The following NF1 variants were observed in gnomAD, a reference collection of about 807,000 sequenced individuals.
NF1 encodes neurofibromin.
NF1 carries 122 observed loss-of-function variants against 325.7 expected under a neutral mutation model. The observed-to-expected ratio is 0.37, with a 90% CI of 0.32 to 0.44. The LOEUF is 0.44. NF1 is among the 20% of genes least tolerant of loss of function. The probability of loss-of-function intolerance (pLI) is 1.00; values close to 1 mark genes in which losing one functional copy is unlikely to be tolerated. For synonymous variants in NF1, 1,091 were observed against 1,186.0 expected (o/e 0.92, Z 1.65); for missense variants, 2,140 against 3,415.4 (o/e 0.63, Z 9.31).
At chr17:31,199,055 A>G (rs1442343449) in intron 8 of NF1, among the ~76,000 whole-genome samples, 1 of 151,696 alleles carries the variant, frequency 6.6e-6, no homozygotes, top group Non-Finnish European at 1.5e-5. Context: ...CTGGTTTTGT[A>G]ATTTTTCTCC....
intron 36 of NF1, among the ~76,000 whole-genome samples, chr17:31,291,180 C>T (rs998229447): frequency 3.3e-5 from 5 of 152,184 alleles, no homozygotes; most frequent in African/African-American, 7.2e-5. Context: ...ATAATTGCAA[C>T]GTAATAGTAT....
At chr17:31,110,259 A>T (rs1029549140) in intron 1 of NF1, among the ~76,000 whole-genome samples, 6 of 152,222 alleles carry the variant, frequency 3.9e-5, no homozygotes, top group Non-Finnish European at 1.5e-5. Flanking sequence ...TACTAAAAAA[A>T]ATATTGGAGA....
chr17:31,340,437 G>T (rs2151561141), intron 46 of NF1, 68 bp from the exon 47 acceptor site: 1 of 1,594,296 alleles, frequency 6.3e-7, no homozygotes, highest in Non-Finnish European at 8.6e-7. Flanking sequence ...ATTTTTAACT[G>T]CAGTGTGTTT....
intron 8 of NF1, among the ~76,000 whole-genome samples, chr17:31,188,481 A>G (rs527831179): frequency 6.6e-6 from 1 of 152,332 alleles, no homozygotes; most frequent in African/African-American, 2.4e-5. Flanking sequence ...TAATTGTATT[A>G]TGTTAGGCAT....
At chr17:31,222,604 T>C (rs2066944676) in intron 15 of NF1, 2 of 900,008 alleles carry the variant, frequency 2.2e-6, no homozygotes, top group African/African-American at 3.6e-5. Flanking sequence ...TTAAAAACTT[T>C]TTTACTTACT....
At chr17:31,363,749 T>G (rs28667674) in intron 57 of NF1, among the ~76,000 whole-genome samples, 1 of 140,692 alleles carries the variant, frequency 7.1e-6, no homozygotes, top group African/African-American at 2.7e-5. Flanking sequence ...TTTTTTTTTT[T>G]CCCCCTTTGG....
intron 8 of NF1, among the ~76,000 whole-genome samples, chr17:31,188,388 T>C (rs1001907981): frequency 4.6e-5 from 7 of 152,240 alleles, no homozygotes; most frequent in Non-Finnish European, 7.3e-5. Context: ...ACTTAAGATT[T>C]ATTGACTTCA....
chr17:31,347,531 A>C (rs1313988197), intron 48 of NF1, among the ~76,000 whole-genome samples: 4 of 151,508 alleles, frequency 2.6e-5, no homozygotes, highest in African/African-American at 9.7e-5. Flanking sequence ...CTTGGTGGCC[A>C]CCTTGAATAA....
intron 36 of NF1, chr17:31,304,253 G>C (rs1266297386): frequency 6.4e-7 from 1 of 1,571,764 alleles, no homozygotes; most frequent in Admixed American, 1.9e-5. Flanking sequence ...TAAAAAGCAA[G>C]TTGTAATATT....
intron 8 of NF1, among the ~76,000 whole-genome samples, chr17:31,193,942 AT>A (rs1310135753): frequency 6.6e-6 from 1 of 152,204 alleles, no homozygotes; most frequent in Non-Finnish European, 1.5e-5. Context: ...GCTAGTGGGA[AT>A]GTAAACTAGT....
intron 50 of NF1, among the ~76,000 whole-genome samples, chr17:31,351,857 G>T (rs866757491): frequency 1.9e-4 from 29 of 151,192 alleles, no homozygotes; most frequent in South Asian, 8.3e-4. Context: ...GTGATTTTTT[G>T]GGGTTTTTTT....
intron 29 of NF1, among the ~76,000 whole-genome samples, chr17:31,243,030 A>G (rs957027530): frequency 6.6e-6 from 1 of 152,202 alleles, no homozygotes; most frequent in Non-Finnish European, 1.5e-5. Context: ...TCCAAGCCCA[A>G]TAACGCTGTG....
intron 36 of NF1, chr17:31,314,288 G>A (rs1484498538): frequency 3.4e-6 from 1 of 293,172 alleles, no homozygotes; most frequent in Non-Finnish European, 6.2e-6. Context: ...ATATGATTAT[G>A]TAAATTAAAT....
chr17:31,296,443 C>G, intron 36 of NF1: 1 of 1,028,802 alleles, frequency 9.7e-7, no homozygotes, highest in Non-Finnish European at 1.5e-6. Context: ...TCGTTGTTGT[C>G]GAGTCCTTTT....
At chr17:31,281,307 A>C (rs1033439409) in intron 36 of NF1, among the ~76,000 whole-genome samples, 36 of 152,348 alleles carry the variant, frequency 2.4e-4, no homozygotes, top group African/African-American at 8.4e-4. Flanking sequence ...AGGTATCATC[A>C]GGGCAGTTGA....
chr17:31,250,284 A>G (rs540318312), intron 30 of NF1: 2 of 251,094 alleles, frequency 8.0e-6, no homozygotes, highest in East Asian at 1.3e-4. Context: ...ATAATATGAA[A>G]CTTAATACAG....
rs1555536648 is a variant in NF1 at position 31,356,531 on chromosome 17, A to G, written c.7687A>G (p.Ile2563Val). 6.2e-7 allele frequency: 1 copy of G among 1,613,932 alleles called. No individual in the cohort carries two copies. The highest frequency in any genetic ancestry group is 1.3e-5 in the African/African-American group (1 of 75,056). The change falls in exon 52 of 58, where the codon ATC becomes GTC. Residue 2563 changes from isoleucine (I) to valine (V), a missense_variant. Physicochemically the swap from Ile to Val is conservative, Grantham distance 29 (BLOSUM62 3). Around this residue, in one of 10 missense-constraint regions of NF1, gnomAD observed 522 missense variants for 749.0 expected, o/e 0.70. Transcript: ENST00000358273. ...APKRQEMESG[I>V]TTPPKMRRVA... ...TAAAAGGCAAGAAATGGAATCAGGG[A>G]TCACAACACCCCCCAAAATGAGGAG...
chr17:31,292,538 A>G (rs2068363624), intron 36 of NF1, among the ~76,000 whole-genome samples: 1 of 152,084 alleles, frequency 6.6e-6, no homozygotes, highest in Non-Finnish European at 1.5e-5. Flanking sequence ...GAACCTATTT[A>G]TACAGTATGT....
rs1428885377 is a variant in NF1, at chr17:31,230,840, A to G, written c.3114-2A>G. The G allele has an allele frequency of 6.3e-7, 1 of 1,587,998 alleles. No individual in the cohort carries two copies. The highest frequency in any genetic ancestry group is 2.2e-5 in the East Asian group (1 of 44,622). On this transcript the variant is annotated splice_acceptor_variant, in intron 23 of 57. Transcript: ENST00000358273. LOFTEE classifies it high-confidence loss of function. ...GTTTCTCTTTTCTCCACCATTCTAT[A>G]GGAATAAGATGGTAGAATACCTGAC...
Sources: allele counts gnomAD v4.1 joint callset (sites outside exome capture counted in the v4.1 genomes callset), GRCh38; gene constraint gnomAD v4.1.1; regional missense constraint gnomAD v4.1.1; transcripts MANE v1.5; gene names NCBI Gene and HGNC (gene_info 2026-07-23, HGNC 2026-07-21).